SUPT6H: variants seen among roughly 807,000 people sequenced by gnomAD.
The protein encoded by SUPT6H is transcription elongation factor SPT6.
Under a neutral mutation model 222.3 loss-of-function variants are expected in SUPT6H, and 11 were observed. The observed-to-expected ratio is 0.05, with a 90% CI of 0.03 to 0.08. The LOEUF (loss-of-function observed/expected upper bound fraction) is 0.08, where lower values mean the gene tolerates loss of function less well. Among genes scored for constraint, SUPT6H ranks in the 10% least tolerant of loss-of-function variants. The probability of loss-of-function intolerance (pLI) is 1.00; values close to 1 mark genes in which losing one functional copy is unlikely to be tolerated. For synonymous variants in SUPT6H, 762 were observed against 801.2 expected, an observed-to-expected ratio of 0.95 and a Z score of 0.83; for missense variants, 1,422 against 2,216.0, an observed-to-expected ratio of 0.64 and a Z score of 7.19.
intron 1 of SUPT6H, among the ~76,000 whole-genome samples, chr17:28,663,839 T>TTTTTTTTTTTTTTTTTTTTTTTTG: frequency 8.5e-6 from 1 of 117,360 alleles, no homozygotes; most frequent in Non-Finnish European, 1.8e-5. Context: ...TTTTTTTTTT[T>TTTTTTTTTTTTTTTTTTTTTTTTG]TTTTTTGTGG....
chr17:28,677,514 C>T (rs1321236206), intron 7 of SUPT6H, among the ~76,000 whole-genome samples: 2 of 152,010 alleles, frequency 1.3e-5, no homozygotes, highest in Non-Finnish European at 2.9e-5. Context: ...CGTTGTGTTC[C>T]AGCCTGAGCA....
chr17:28,677,694 C>T, intron 7 of SUPT6H, 21 bp from the exon 8 acceptor site: 1 of 1,585,638 alleles, frequency 6.3e-7, no homozygotes. Context: ...CCGTCTCACC[C>T]TGTTGTCTTA....
At chr17:28,686,816 C>T in intron 21 of SUPT6H, 27 bp downstream of exon 21, 2 of 1,566,994 alleles carry the variant, frequency 1.3e-6, no homozygotes, top group Non-Finnish European at 1.7e-6. Context: ...ACCCTTAGGG[C>T]CTGCCCAGGC....
rs1204980214 is a variant in SUPT6H, at chr17:28,701,077, A to T, written c.4943A>T (p.Gln1648Leu). The T allele has an allele frequency of 3.7e-6, 6 of 1,613,716 alleles. No individual in the cohort carries two copies. Among genetic ancestry groups the T allele is most frequent in the Non-Finnish European group, 4.2e-6 (5 of 1,179,954 alleles). ...GCCAGCACCACCCCACAGTCGGCCC[A>T]GGCCCAGCCCCAGCCCTCTTCCAGC... ...LQASTTPQSA[Q>L]AQPQPSSSSR... The change falls in exon 36 of 37, where the codon CAG becomes CTG. Residue 1648 changes from glutamine to leucine, a missense_variant. Physicochemically the swap from Gln to Leu is moderately radical, Grantham distance 113 (BLOSUM62 -2). Around this residue, in one of 13 missense-constraint regions of SUPT6H, gnomAD observed 395 missense variants for 580.6 expected, o/e 0.68. Transcript: ENST00000314616.
Position 28,688,460 on chromosome 17 carries a change from C to T in SUPT6H, c.3134+242C>T, listed in dbSNP as rs2031498599. ...GTACCAGCTTAGCTTATAAATTAAG[C>T]ATGGAAAACACAAGATTTTGTTCAG... is the stretch of plus-strand genomic sequence containing the variant. On this transcript the variant is annotated intron_variant, in intron 24 of 36. Coordinates refer to ENST00000314616, the MANE Select transcript of SUPT6H (RefSeq NM_003170.5). This position sits in a 1 kb window ranked among gnomAD's most constrained non-coding sequence, Gnocchi z 4.3. 4 of 318,256 alleles carry T rather than the reference C, an allele frequency of 1.3e-5. No individual in the cohort carries two copies. In the South Asian group the frequency reaches 3.8e-4, roughly 30 times the overall value. The allele number at this position is 318,256 out of a possible 1,614,324, so 19.7% of individuals were successfully genotyped here.
intron 12 of SUPT6H, 131 bp from the exon 13 acceptor site, chr17:28,681,751 G>T: frequency 1.4e-6 from 1 of 728,216 alleles, no homozygotes; most frequent in Non-Finnish European, 2.2e-6. Context: ...AAACCCAGGA[G>T]ACTTGACAGC....
At chr17:28,664,903 A>G (rs2029926118) in intron 1 of SUPT6H, among the ~76,000 whole-genome samples, 2 of 152,082 alleles carry the variant, frequency 1.3e-5, no homozygotes, top group Non-Finnish European at 2.9e-5. Flanking sequence ...TGTCACTTCC[A>G]CTTGCAGAAT....
intron 1 of SUPT6H, among the ~76,000 whole-genome samples, chr17:28,664,132 A>G (rs1394697835): frequency 6.6e-6 from 1 of 151,932 alleles, no homozygotes; most frequent in Non-Finnish European, 1.5e-5. Flanking sequence ...CTTTATTGAC[A>G]TTTCACTCTT....
Position 28,697,995 on chromosome 17 carries a change from G to A in SUPT6H, c.4413G>A (p.Lys1471=). The A allele has an allele frequency of 6.2e-7, 1 of 1,613,074 alleles. No individual in the cohort carries two copies. Among genetic ancestry groups the A allele is most frequent in the Admixed American group, 1.7e-5 (1 of 60,024 alleles). Residue 1471 remains lysine, a synonymous_variant, in exon 32 of 37, where the codon AAG becomes AAA. Transcript: ENST00000314616. The stretch of plus-strand genomic sequence containing the variant: ...GTGCCTGCAAGGAACTGCCCGGCAA[G>A]TTCCTACTGGGATACCAGCCCCGGG... ...FICACKELPG[K]FLLGYQPRGK... is the part of the protein sequence containing the mutation.
intron 24 of SUPT6H, 47 bp from the exon 25 acceptor site, chr17:28,689,307 A>G: frequency 1.9e-6 from 3 of 1,593,902 alleles, no homozygotes; most frequent in South Asian, 1.1e-5. Flanking sequence ...GGTTGTTACT[A>G]GAAGCTTATC....
At position 28,677,933 on chromosome 17, in the gene SUPT6H, A is replaced by T. The variant is rs1184248926; in HGVS notation, c.999+117A>T. 2.0e-5 allele frequency: 26 copies of T among 1,277,228 alleles called. No homozygotes were observed. The Admixed American group carries it at 4.7e-4, about 23-fold the overall frequency. 79.1% of individuals were successfully genotyped at this position (1,277,228 alleles called of 1,614,324 possible). On this transcript the variant is annotated intron_variant, in intron 8 of 36. Transcript: ENST00000314616. ...TGCCTGGTATTAGAAAACTGTGTGT[A>T]TGTAGTCCCAACAAGTGTGTGTATA...
intron 1 of SUPT6H, among the ~76,000 whole-genome samples, chr17:28,662,709 G>C (rs2072079911): frequency 2.0e-5 from 3 of 152,224 alleles, no homozygotes; most frequent in South Asian, 4.1e-4. Context: ...TTGTTCTGGG[G>C]ATATGAATCC....
intron 28 of SUPT6H, 82 bp downstream of exon 28, chr17:28,693,918 C>T (rs1439094686): frequency 3.0e-5 from 47 of 1,579,444 alleles, no homozygotes; most frequent in Non-Finnish European, 4.3e-6. Context: ...CTGTCCCCAC[C>T]AGAAGTTAGG....
In SUPT6H at chr17:28,701,965, G is replaced by A. The variant is rs1032078373; in HGVS notation, c.*340G>A. The A allele has an allele frequency of 3.9e-5, 9 of 230,186 alleles. No individual in the cohort carries two copies. The highest frequency in any genetic ancestry group is 1.2e-4 in the South Asian group (1 of 8,100). 14.3% of individuals were successfully genotyped at this position (230,186 alleles called of 1,614,324 possible). The stretch of plus-strand genomic sequence containing the variant: ...GCCATTTTGAACTTCTGCCCTCACC[G>A]GACTCTGGGCTGTGACTGGGGCACC... On this transcript the variant is annotated 3_prime_UTR_variant, in exon 37 of 37. Transcript: ENST00000314616.
At chr17:28,673,547 T>C (rs2030559603) in intron 2 of SUPT6H, 37 bp downstream of exon 2, 1 of 1,456,818 alleles carries the variant, frequency 6.9e-7, no homozygotes, top group Non-Finnish European at 9.6e-7. Flanking sequence ...TCCCCACTAT[T>C]GCTAAGCTTT....
Position 28,687,083 on chromosome 17 carries a change from T to C in SUPT6H, c.2701-5T>C. On this transcript the variant is annotated splice_polypyrimidine_tract_variant and splice_region_variant and intron_variant, in intron 21 of 36. Coordinates refer to ENST00000314616, the MANE Select transcript of SUPT6H (RefSeq NM_003170.5). ...AAGGCCCTGCTGACCCTCGTTTGAC[T>C]CTAGGCAGAGTTCCGGGATTATCCT... is the stretch of plus-strand genomic sequence containing the variant. The C allele has an allele frequency of 6.2e-7, 1 of 1,612,920 alleles. No homozygotes were observed.
intron 30 of SUPT6H, 88 bp from the exon 31 acceptor site, chr17:28,697,532 C>A: frequency 9.6e-7 from 1 of 1,045,608 alleles, no homozygotes; most frequent in Non-Finnish European, 1.4e-6. Flanking sequence ...AGAAGCCCAT[C>A]CCCTCCCATG....
chr17:28,697,867 T>G, intron 31 of SUPT6H, 39 bp from the exon 32 acceptor site: 1 of 1,610,746 alleles, frequency 6.2e-7, no homozygotes, highest in Middle Eastern at 1.7e-4. Context: ...GTACCAAGCA[T>G]GCTGCTATCC....
At chr17:28,693,862 G>T in intron 28 of SUPT6H, 26 bp downstream of exon 28, 2 of 1,613,926 alleles carry the variant, frequency 1.2e-6, no homozygotes, top group Non-Finnish European at 1.7e-6. Context: ...TCCTAAGGTC[G>T]TAGTGCAATT....
Sources: gnomAD v4.1 joint callset for allele counts (sites outside exome capture counted in the v4.1 genomes callset) on GRCh38, gnomAD v4.1.1 for gene constraint, gnomAD v4.1.1 regional missense constraint, Gnocchi (gnomAD v3.1) non-coding constraint, MANE v1.5 for transcripts, NCBI Gene and HGNC (gene_info 2026-07-23, HGNC 2026-07-21) for gene names.